RASA1: variants seen among roughly 807,000 people sequenced by gnomAD.
RASA1 encodes the protein ras GTPase-activating protein 1.
RASA1 carries 25 observed loss-of-function variants against 132.2 expected under a neutral mutation model. The observed-to-expected ratio is 0.19, with a 90% CI of 0.14 to 0.26. The LOEUF (loss-of-function observed/expected upper bound fraction) is 0.26. Ranked by LOEUF, RASA1 falls within the 10% of genes least tolerant of loss-of-function variation. RASA1 has a pLI of 1.00. For missense variants in RASA1, 964 were observed against 1,299.2 expected (o/e 0.74, Z 3.97); for synonymous variants, 477 against 449.9 (o/e 1.06, Z -0.76).
intron 1 of RASA1, among the ~76,000 whole-genome samples, chr5:87,314,492 G>A (rs1391061022): frequency 6.6e-6 from 1 of 152,168 alleles, no homozygotes; most frequent in Non-Finnish European, 1.5e-5. Flanking sequence ...ATAGGAAGGT[G>A]GAATTGTTAA....
At chr5:87,346,490 G>C (rs1282460978) in intron 6 of RASA1, among the ~76,000 whole-genome samples, 182 bp from the exon 7 acceptor site, 2 of 151,814 alleles carry the variant, frequency 1.3e-5, no homozygotes, top group African/African-American at 4.8e-5. Context: ...ACTATCTTTA[G>C]TTGAAATTAA....
At chr5:87,377,917 C>A (rs1761435919) in intron 17 of RASA1, among the ~76,000 whole-genome samples, 1 of 152,116 alleles carries the variant, frequency 6.6e-6, no homozygotes, top group African/African-American at 2.4e-5. Flanking sequence ...TTGAGTTTAT[C>A]TTTTCTGACA....
At chr5:87,361,413 G>A (rs1264612929) in intron 9 of RASA1, among the ~76,000 whole-genome samples, 1 of 152,078 alleles carries the variant, frequency 6.6e-6, no homozygotes, top group Non-Finnish European at 1.5e-5. Flanking sequence ...TCAAGATAGA[G>A]GATTATGAAA....
At chr5:87,302,581 A>G (rs949782835) in intron 1 of RASA1, among the ~76,000 whole-genome samples, 2 of 150,898 alleles carry the variant, frequency 1.3e-5, no homozygotes, top group African/African-American at 4.9e-5. Context: ...ATAGTATTCT[A>G]TATACTATAG....
At chr5:87,284,166 A>G (rs1343263858) in intron 1 of RASA1, among the ~76,000 whole-genome samples, 6 of 152,078 alleles carry the variant, frequency 3.9e-5, no homozygotes, top group Non-Finnish European at 5.9e-5. Flanking sequence ...GACCTATTCT[A>G]TGTTGTTTTC....
Position 87,376,890 on chromosome 5 carries a change from C to A in RASA1, c.2194C>A (p.Gln732Lys). The change falls in exon 17 of 25, where the codon CAA becomes AAA. Residue 732 changes from glutamine (Q) to lysine (K), a missense_variant. By Grantham distance (53) the Gln-to-Lys change is moderately conservative. This residue lies in a region of RASA1 where 346 missense variants were observed against 520.1 expected (regional missense o/e 0.67). Transcript: ENST00000274376. The part of the protein sequence containing the change: ...EYSEFKELIL[Q>K]KELHVVYALS... ...TAAAATGTCATTTTAGCTTATACTGCAAAAGGAACTTCATGTAGTCTATGC... is the reference window on the plus strand; with the variant it reads ...TAAAATGTCATTTTAGCTTATACTGAAAAAGGAACTTCATGTAGTCTATGC... The A allele has an allele frequency of 6.2e-7, 1 of 1,605,722 alleles. No homozygotes were observed. The highest frequency in any genetic ancestry group is 8.5e-7 in the Non-Finnish European group (1 of 1,172,440).
At chr5:87,315,480 T>C (rs1461249847) in intron 1 of RASA1, among the ~76,000 whole-genome samples, 2 of 152,170 alleles carry the variant, frequency 1.3e-5, no homozygotes, top group Non-Finnish European at 2.9e-5. Context: ...CCAAATACTG[T>C]CAATGTATGA....
chr5:87,369,975 T>C, intron 12 of RASA1, 75 bp downstream of exon 12: 1 of 1,230,864 alleles, frequency 8.1e-7, no homozygotes, highest in Admixed American at 1.8e-5. Flanking sequence ...GAATAGAAAA[T>C]GATCGCATTC....
intron 9 of RASA1, among the ~76,000 whole-genome samples, chr5:87,357,730 G>T (rs930476312): frequency 7.2e-5 from 11 of 152,040 alleles, no homozygotes; most frequent in African/African-American, 2.7e-4. Flanking sequence ...CAAATAGTAT[G>T]TGGCATCTAA....
At chr5:87,338,335 T>A (rs528512442) in intron 5 of RASA1, among the ~76,000 whole-genome samples, 3 of 150,718 alleles carry the variant, frequency 2.0e-5, no homozygotes, top group South Asian at 2.1e-4. Flanking sequence ...TATATTAACA[T>A]TTGTGTTTTC....
intron 11 of RASA1, 59 bp downstream of exon 11, chr5:87,363,563 A>T: frequency 6.5e-7 from 1 of 1,549,462 alleles, no homozygotes; most frequent in Non-Finnish European, 8.9e-7. Context: ...AATAGTACAA[A>T]CAAAGCAAAC....
At position 87,371,298 on chromosome 5, in the gene RASA1, T is replaced by C. The variant is rs149871824; in HGVS notation, c.1699-820T>C. Among the ~76,000 whole-genome samples, 9 of 152,230 alleles carry C rather than the reference T, an allele frequency of 5.9e-5. No homozygotes were observed. In the East Asian group the frequency reaches 1.7e-3, roughly 29 times the overall value. On this transcript the variant is annotated intron_variant, in intron 12 of 24. Coordinates refer to ENST00000274376, the MANE Select transcript of RASA1 (RefSeq NM_002890.3). ...TCTCTTCTATTTCAAAAAGCTATGG[T>C]AACTGATTTGGTTTTAATTTGCTGT...
At chr5:87,331,979 A>G (rs938385340) in intron 2 of RASA1, among the ~76,000 whole-genome samples, 2 of 152,114 alleles carry the variant, frequency 1.3e-5, no homozygotes, top group Non-Finnish European at 2.9e-5. Context: ...CCCATATTGT[A>G]TTGTTTCATT....
In RASA1 at chr5:87,268,780, C is replaced by A; in HGVS notation, c.329C>A (p.Pro110His). 6.2e-7 allele frequency: 1 copy of A among 1,614,074 alleles called. No individual in the cohort carries two copies. The highest frequency in any genetic ancestry group is 1.1e-5 in the South Asian group (1 of 91,078). Residue 110 changes from proline to histidine, a missense_variant, in exon 1 of 25, where the codon CCT becomes CAT. This residue lies in a region of RASA1 where 326 missense variants were observed against 275.8 expected (regional missense o/e 1.18). Transcript: ENST00000274376. The stretch of plus-strand genomic sequence containing the variant: ...GTGGCCGGTGCTGCTGTTGCTGGAC[C>A]TAGTGGAGACATGGCTCTCACCAAA... ...AGVAGAAVAG[P>H]SGDMALTKLP...
At chr5:87,343,383 C>T (rs774831707) in intron 6 of RASA1, among the ~76,000 whole-genome samples, 1 of 152,162 alleles carries the variant, frequency 6.6e-6, no homozygotes, top group Non-Finnish European at 1.5e-5. Flanking sequence ...TTAGCCTCAT[C>T]AAATCCTTTT....
chr5:87,302,142 A>G (rs1240787731), intron 1 of RASA1, among the ~76,000 whole-genome samples: 5 of 152,166 alleles, frequency 3.3e-5, no homozygotes, highest in African/African-American at 1.2e-4. Context: ...GTTTGTACCC[A>G]TTTAAATTCT....
chr5:87,354,419 T>C (rs1294829276), intron 9 of RASA1, among the ~76,000 whole-genome samples: 2 of 152,170 alleles, frequency 1.3e-5, no homozygotes, highest in African/African-American at 2.4e-5. Flanking sequence ...TGTTGATCTG[T>C]GATCAGTGAT....
At chr5:87,291,817 C>T (rs1262412047) in intron 1 of RASA1, among the ~76,000 whole-genome samples, 1 of 152,228 alleles carries the variant, frequency 6.6e-6, no homozygotes, top group African/African-American at 2.4e-5. Context: ...CAGATGCTGA[C>T]ACCATGCTTC....
At chr5:87,321,551 T>TC (rs1756806527) in intron 1 of RASA1, among the ~76,000 whole-genome samples, 1 of 152,208 alleles carries the variant, frequency 6.6e-6, no homozygotes, top group Admixed American at 6.5e-5. Context: ...CTCACAGAAC[T>TC]CAGAGAAACA....
Sources: allele counts gnomAD v4.1 joint callset (sites outside exome capture counted in the v4.1 genomes callset), GRCh38; gene constraint gnomAD v4.1.1; regional missense constraint gnomAD v4.1.1; transcripts MANE v1.5; gene names NCBI Gene and HGNC (gene_info 2026-07-23, HGNC 2026-07-21).